RAB38: variants seen among roughly 807,000 people sequenced by gnomAD.
RAB38 encodes ras-related protein Rab-38.
Under a neutral mutation model 18.4 loss-of-function variants are expected in RAB38, and 15 were observed. The ratio of observed to expected loss-of-function variants is 0.82; its 90% CI spans 0.55 to 1.26. The LOEUF is 1.26. Among genes scored for constraint, RAB38 ranks in the 50% most tolerant of loss-of-function variants. RAB38 has a pLI of 0.00. For synonymous variants in RAB38, 101 were observed against 104.4 expected (o/e 0.97, Z 0.20); for missense variants, 294 against 267.4 (o/e 1.10, Z -0.69).
At chr11:88,048,028 T>G in the RAB38 span, among the ~76,000 whole-genome samples, 5 of 152,102 alleles carry the variant, frequency 3.3e-5, no homozygotes, top group African/African-American at 1.2e-4. Flanking sequence ...ATCATGAAAA[T>G]CTGTCCTCAA....
In RAB38 at chr11:88,114,148, G is replaced by A. The variant is rs773384872; in HGVS notation, c.484-8C>T. On this transcript the variant is annotated splice_polypyrimidine_tract_variant and splice_region_variant and intron_variant, in intron 2 of 2. Transcript: ENST00000243662. ...ATCAATGTTTATATTTTCCTATGAG[G>A]GAAAAAATAAAACAGCTTTTCTTAT... 29 of 1,612,780 alleles carry A rather than the reference G, an allele frequency of 1.8e-5. No homozygotes were observed. The highest frequency in any genetic ancestry group is 2.3e-5 in the Non-Finnish European group (27 of 1,179,436).
At chr11:88,172,064 A>C (rs746767407) in intron 1 of RAB38, among the ~76,000 whole-genome samples, 1 of 152,272 alleles carries the variant, frequency 6.6e-6, no homozygotes, top group Non-Finnish European at 1.5e-5. Context: ...CCTGTGGGCC[A>C]GCTGTGTGCC....
At chr11:87,858,918 C>A in the RAB38 span, among the ~76,000 whole-genome samples, 1 of 149,284 alleles carries the variant, frequency 6.7e-6, no homozygotes. Flanking sequence ...ATTGTGTCCA[C>A]CTGAGTCCAA....
the RAB38 span, among the ~76,000 whole-genome samples, chr11:87,850,467 C>T: frequency 6.0e-5 from 9 of 151,026 alleles, no homozygotes; most frequent in Non-Finnish European, 7.4e-5. Flanking sequence ...AAGCAGAGAG[C>T]GTGTGTGTGT....
chr11:88,115,144 A>G (rs1399441206), intron 2 of RAB38, among the ~76,000 whole-genome samples: 1 of 152,222 alleles, frequency 6.6e-6, no homozygotes, highest in African/African-American at 2.4e-5. Flanking sequence ...GTGTACTAAA[A>G]TAAATATCTT....
chr11:87,938,443 G>T, the RAB38 span, among the ~76,000 whole-genome samples: 10 of 152,132 alleles, frequency 6.6e-5, no homozygotes, highest in Non-Finnish European at 1.3e-4. Flanking sequence ...ACCCCAGCAG[G>T]GTTGTTGTGG....
chr11:88,012,225 C>T, the RAB38 span, among the ~76,000 whole-genome samples: 1 of 152,102 alleles, frequency 6.6e-6, no homozygotes, highest in South Asian at 2.1e-4. Context: ...CACACAGCCA[C>T]CAGAAGCTTC....
chr11:87,960,314 AC>A, the RAB38 span, among the ~76,000 whole-genome samples: 2 of 151,400 alleles, frequency 1.3e-5, no homozygotes, highest in African/African-American at 4.9e-5. Context: ...TGCTGAGATT[AC>A]CTGTCTAGTG....
the RAB38 span, among the ~76,000 whole-genome samples, chr11:87,978,032 TACA>T: frequency 0.18 from 13,502 of 73,720 alleles, 3,768 homozygotes; most frequent in Non-Finnish European, 0.26. Flanking sequence ...TACTTACACA[TACA>T]TAATACATCT....
chr11:88,047,194 A>T, the RAB38 span, among the ~76,000 whole-genome samples: 134 of 151,618 alleles, frequency 8.8e-4, 2 homozygotes, highest in South Asian at 0.016. Flanking sequence ...AGCTGTACTC[A>T]CTCTTTGTTG....
At chr11:87,860,287 G>T in the RAB38 span, among the ~76,000 whole-genome samples, 1 of 151,774 alleles carries the variant, frequency 6.6e-6, no homozygotes, top group African/African-American at 2.4e-5. Flanking sequence ...TAATTGTATT[G>T]GCTTAGGAAA....
chr11:88,074,266 G>A, the RAB38 span, among the ~76,000 whole-genome samples: 1 of 152,130 alleles, frequency 6.6e-6, no homozygotes, highest in Non-Finnish European at 1.5e-5. Flanking sequence ...TACCTGTGAT[G>A]TGAAATACAC....
At chr11:88,121,842 G>A (rs1022015504) in intron 2 of RAB38, among the ~76,000 whole-genome samples, 20 of 152,176 alleles carry the variant, frequency 1.3e-4, no homozygotes, top group Admixed American at 9.2e-4. Context: ...GATTACAGGC[G>A]TGAGCTGCCG....
At chr11:88,097,504 A>G in the RAB38 span, among the ~76,000 whole-genome samples, 6 of 151,782 alleles carry the variant, frequency 4.0e-5, no homozygotes, top group African/African-American at 7.3e-5. Flanking sequence ...CTCCCAAAAC[A>G]CAGCCAGGAT....
chr11:87,824,880 C>T, the RAB38 span, among the ~76,000 whole-genome samples: 1 of 152,000 alleles, frequency 6.6e-6, no homozygotes, highest in East Asian at 1.9e-4. Flanking sequence ...TTAAAAGAGC[C>T]TATCAAGTAC....
the RAB38 span, among the ~76,000 whole-genome samples, chr11:88,090,577 T>TA: frequency 1.4e-5 from 2 of 138,018 alleles, no homozygotes; most frequent in South Asian, 5.0e-4. Context: ...AGGAAAAGTG[T>TA]AAATAAAGTA....
the RAB38 span, among the ~76,000 whole-genome samples, chr11:87,967,254 GT>G: frequency 6.6e-6 from 1 of 152,022 alleles, no homozygotes; most frequent in South Asian, 2.1e-4. Context: ...TTGTAATATT[GT>G]TACTTTATCT....
chr11:87,917,781 T>C, the RAB38 span, among the ~76,000 whole-genome samples: 1 of 152,098 alleles, frequency 6.6e-6, no homozygotes, highest in African/African-American at 2.4e-5. Flanking sequence ...GATCCTTAAC[T>C]ATAAATTCAC....
the RAB38 span, among the ~76,000 whole-genome samples, chr11:88,079,027 C>T: frequency 6.6e-6 from 1 of 151,606 alleles, no homozygotes; most frequent in South Asian, 2.1e-4. Flanking sequence ...AATTAAAAAA[C>T]TTAGAAAGTA....
Sources: gnomAD v4.1 joint callset for allele counts (sites outside exome capture counted in the v4.1 genomes callset) on GRCh38, gnomAD v4.1.1 for gene constraint, MANE v1.5 for transcripts, NCBI Gene and HGNC (gene_info 2026-07-23, HGNC 2026-07-21) for gene names.